Variants in CCPG1 observed in about 807,000 individuals in gnomAD.
CCPG1 encodes the protein cell cycle progression protein 1.
In CCPG1, 46 loss-of-function variants were observed where a neutral mutation model predicts 81.3. The observed-to-expected ratio is 0.57, with a 90% confidence interval of 0.45 to 0.72. CCPG1 has a LOEUF of 0.72. CCPG1 is among the 30% of genes least tolerant of loss of function. The pLI, the probability that CCPG1 is intolerant of heterozygous loss-of-function variation, is 0.00. For synonymous variants in CCPG1, 330 were observed against 305.2 expected (o/e 1.08, Z -0.85); for missense variants, 902 against 937.6 (o/e 0.96, Z 0.50).
intron 7 of CCPG1, among the ~76,000 whole-genome samples, chr15:55,362,826 AC>A (rs1009277165): frequency 2.6e-5 from 4 of 152,000 alleles, no homozygotes; most frequent in African/African-American, 7.3e-5. Flanking sequence ...GATCACTTGA[AC>A]CCAGAAGTTC....
intron 8 of CCPG1, chr15:55,359,187 A>G: frequency 1.0e-6 from 1 of 988,250 alleles, no homozygotes; most frequent in Non-Finnish European, 1.2e-6. Context: ...GAATAAATAC[A>G]TAAAAGATTA....
At chr15:55,363,586 A>G (rs2056251843) in intron 7 of CCPG1, among the ~76,000 whole-genome samples, 1 of 150,464 alleles carries the variant, frequency 6.6e-6, no homozygotes, top group Non-Finnish European at 1.5e-5. Context: ...AAATGCCGCC[A>G]GTCTCCTCTG....
intron 5 of CCPG1, 28 bp downstream of exon 5, chr15:55,376,921 T>C: frequency 1.9e-6 from 3 of 1,540,892 alleles, no homozygotes; most frequent in Non-Finnish European, 2.7e-6. Flanking sequence ...CGTACATGTC[T>C]TTAAGTCTCT....
chr15:55,380,356 C>A (rs962268630), intron 3 of CCPG1, among the ~76,000 whole-genome samples: 2 of 150,422 alleles, frequency 1.3e-5, no homozygotes, highest in African/African-American at 2.4e-5. Flanking sequence ...AGTGCAGTGG[C>A]GCCGTCTCGG....
Position 55,356,555 on chromosome 15 carries a change from T to C in CCPG1, c.2235-146A>G, listed in dbSNP as rs956630854. On this transcript the variant is annotated intron_variant, in intron 8 of 8. Coordinates refer to ENST00000442196, the MANE Select transcript of CCPG1 (RefSeq NM_001204450.2). ...CTGAATTACAATCCTAGTATATCCA[T>C]ATAAAAATAAAGGAGTCTGTATTAG... 9 of 1,236,710 alleles carry C rather than the reference T, an allele frequency of 7.3e-6. No individual in the cohort carries two copies. In the African/African-American group the frequency reaches 7.8e-5, roughly 11 times the overall value. The allele number at this position is 1,236,710 out of a possible 1,614,324, so 76.6% of individuals were successfully genotyped here.
In CCPG1 at chr15:55,359,581, C is replaced by CTA. The variant is rs775725329; in HGVS notation, c.2190_2191dup (p.Arg731IlefsTer25). 8.7e-6 allele frequency: 14 copies of CTA among 1,611,630 alleles called. No individual in the cohort carries two copies. The highest frequency in any genetic ancestry group is 5.0e-5 in the Admixed American group (3 of 59,728). On this transcript the variant is annotated frameshift_variant, in exon 8 of 9. Coordinates refer to ENST00000442196, the MANE Select transcript of CCPG1 (RefSeq NM_001204450.2). LOFTEE classifies it high-confidence loss of function. ...GGAAAAAGTGTGACCAAAGAAGTGTCTATATATATATTCATCCAACTTCTC... is the reference window on the plus strand; with the variant it reads ...GGAAAAAGTGTGACCAAAGAAGTGTCTATATATATATATTCATCCAACTTCTC...
intron 2 of CCPG1, among the ~76,000 whole-genome samples, 158 bp downstream of exon 2, chr15:55,389,207 G>A (rs1475669884): frequency 6.6e-6 from 1 of 152,084 alleles, no homozygotes; most frequent in East Asian, 1.9e-4. Context: ...GCTGGCTCAT[G>A]AAGCGTTTTC....
At chr15:55,398,952 C>T (rs529481270) in intron 1 of CCPG1, among the ~76,000 whole-genome samples, 6 of 152,198 alleles carry the variant, frequency 3.9e-5, no homozygotes, top group Admixed American at 2.0e-4. Flanking sequence ...TATCCTCATC[C>T]GGAACATGAA....
At position 55,377,162 on chromosome 15, in the gene CCPG1, T is replaced by C. The variant is rs745682481; in HGVS notation, c.253-12A>G. 1.9e-6 allele frequency: 3 copies of C among 1,587,634 alleles called. No homozygotes were observed. The highest frequency in any genetic ancestry group is 2.6e-6 in the Non-Finnish European group (3 of 1,157,640). ...TTTTGTTCCTCTGCCTGAAGAATCA[T>C]AATTTTAGAGATGGTAAGTTCAACA... On this transcript the variant is annotated splice_polypyrimidine_tract_variant and intron_variant, in intron 4 of 8. Transcript: ENST00000442196.
chr15:55,359,102 C>T (rs568419853), intron 8 of CCPG1: 2 of 984,076 alleles, frequency 2.0e-6, no homozygotes, highest in South Asian at 9.4e-5. Context: ...ATAGGTGGGA[C>T]ATTAGAATTA....
chr15:55,361,434 G>A (rs890095908), intron 7 of CCPG1, among the ~76,000 whole-genome samples: 4 of 151,736 alleles, frequency 2.6e-5, no homozygotes, highest in South Asian at 4.2e-4. Context: ...TTAGCTGGGC[G>A]CGGTGGCTCA....
At chr15:55,379,252 T>C (rs1452463795) in intron 3 of CCPG1, among the ~76,000 whole-genome samples, 1 of 150,790 alleles carries the variant, frequency 6.6e-6, no homozygotes, top group African/African-American at 2.5e-5. Flanking sequence ...CGGGGTGCAG[T>C]GACTCATACC....
chr15:55,356,260 T>C lies in CCPG1; in HGVS notation c.2384A>G (p.Glu795Gly). The C allele has an allele frequency of 6.5e-7, 1 of 1,535,038 alleles. No individual in the cohort carries two copies. The highest frequency in any genetic ancestry group is 8.7e-7 in the Non-Finnish European group (1 of 1,146,488). The change falls in exon 9 of 9, where the codon GAA (glutamate) becomes GGA (glycine). Residue 795 changes from glutamate (E) to glycine (G), a missense_variant. Transcript: ENST00000442196. ...AAAAGGTAATTGCCCCAATTCTATT[T>C]CAAGATTTGCCATTTGTCTTCCATT... ...RTNGRQMANL[E>G]IELGQLPFDP...
At chr15:55,380,635 A>G (rs2056668509) in intron 3 of CCPG1, among the ~76,000 whole-genome samples, 1 of 152,016 alleles carries the variant, frequency 6.6e-6, no homozygotes, top group Non-Finnish European at 1.5e-5. Flanking sequence ...TGCAAAGAAC[A>G]GGGAAAAAAA....
chr15:55,370,012 A>G (rs1036885146), intron 6 of CCPG1, among the ~76,000 whole-genome samples: 2 of 152,202 alleles, frequency 1.3e-5, no homozygotes, highest in South Asian at 2.1e-4. Context: ...AGGTAAATAT[A>G]TATTTCAAAT....
intron 1 of CCPG1, among the ~76,000 whole-genome samples, chr15:55,406,908 G>A (rs997085672): frequency 4.6e-5 from 7 of 151,848 alleles, no homozygotes; most frequent in African/African-American, 1.7e-4. Flanking sequence ...CGCCCTCAGC[G>A]TAAAAGGTTA....
intron 1 of CCPG1, among the ~76,000 whole-genome samples, chr15:55,393,171 C>T (rs540270658): frequency 2.0e-5 from 3 of 152,240 alleles, no homozygotes; most frequent in Admixed American, 2.0e-4. Context: ...AGAGTGGCGG[C>T]TTGCACCTGT....
chr15:55,375,571 G>A (rs2056548076), intron 5 of CCPG1, among the ~76,000 whole-genome samples: 1 of 152,044 alleles, frequency 6.6e-6, no homozygotes, highest in African/African-American at 2.4e-5. Flanking sequence ...CATCAAGAAT[G>A]TCACATGAAT....
intron 5 of CCPG1, among the ~76,000 whole-genome samples, chr15:55,376,312 G>C (rs2056564335): frequency 6.6e-6 from 1 of 152,182 alleles, no homozygotes; most frequent in South Asian, 2.1e-4. Flanking sequence ...AAGCATAGCA[G>C]AAAGAAATCA....
Sources: allele counts gnomAD v4.1 joint callset (sites outside exome capture counted in the v4.1 genomes callset), GRCh38; gene constraint gnomAD v4.1.1; transcripts MANE v1.5; gene names NCBI Gene and HGNC (gene_info 2026-07-23, HGNC 2026-07-21).